PIR: variants seen among roughly 807,000 people sequenced by gnomAD.
PIR encodes the protein pirin (iron-binding nuclear protein).
A neutral mutation model predicts 24.2 loss-of-function variants in PIR; 22 were observed. The ratio of observed to expected loss-of-function variants is 0.91; its 90% CI spans 0.65 to 1.30. The LOEUF (loss-of-function observed/expected upper bound fraction) is 1.30, where lower values mean the gene tolerates loss of function less well. Among genes scored for constraint, PIR ranks in the 50% most tolerant of loss-of-function variants. The probability of loss-of-function intolerance (pLI) is 0.00; values close to 1 mark genes in which losing one functional copy is unlikely to be tolerated. For missense variants in PIR, 220 were observed against 220.3 expected, an observed-to-expected ratio of 1.00 and a Z score of 0.01; for synonymous variants, 80 against 79.6, an observed-to-expected ratio of 1.00 and a Z score of -0.03.
chrX:15,433,544 G>GAAAGAAAGAAAGAAAGAA lies in PIR; in HGVS notation c.481-7555_481-7554insTTCTTTCTTTCTTTCTTT, dbSNP rs780968509. Among the ~76,000 whole-genome samples the GAAAGAAAGAAAGAAAGAA allele has an allele frequency of 6.0e-4, 35 of 58,735 alleles. 2 individuals are homozygous for GAAAGAAAGAAAGAAAGAA. The highest frequency in any genetic ancestry group is 2.8e-3 in the East Asian group (5 of 1,810). The allele number at this position is 58,735 out of a possible 115,157, so 51.0% of individuals were successfully genotyped here. The stretch of plus-strand genomic sequence containing the variant: ...AGAAAGAAAGAAAGAAAGAAAGAAA[G>GAAAGAAAGAAAGAAAGAA]AGAGAGAAAGAAAGAAAGAGAGAGA... On this transcript the variant is annotated intron_variant, in intron 5 of 9. Transcript: ENST00000380420.
chrX:15,416,481 A>C (rs1924920269), intron 6 of PIR, among the ~76,000 whole-genome samples: 1 of 111,763 alleles, frequency 8.9e-6, no homozygotes, highest in African/African-American at 3.3e-5. Flanking sequence ...GAGAGAAAAA[A>C]AATCACTACT....
At chrX:15,426,847 G>A (rs751974163) in intron 5 of PIR, among the ~76,000 whole-genome samples, 1 of 111,700 alleles carries the variant, frequency 9.0e-6, no homozygotes, top group Admixed American at 9.6e-5. Context: ...TAGCACAGAC[G>A]AATATATGCA....
chrX:15,454,295 A>G (rs1163889292), intron 5 of PIR, among the ~76,000 whole-genome samples: 1 of 111,306 alleles, frequency 9.0e-6, no homozygotes, highest in Admixed American at 9.6e-5. Flanking sequence ...AACGAGTCAC[A>G]GAAACACAAC....
At chrX:15,400,749 A>ATTTATTTATTTATT (rs1555953079) in intron 7 of PIR, among the ~76,000 whole-genome samples, 40,563 of 103,796 alleles carry the variant, frequency 0.39, 6,610 homozygotes, top group Non-Finnish European at 0.47. Flanking sequence ...ATTTATTTAT[A>ATTTATTTATTTATT]TATTTATTTA....
At chrX:15,405,264 T>C (rs1376182409) in intron 7 of PIR, among the ~76,000 whole-genome samples, 4 of 112,219 alleles carry the variant, frequency 3.6e-5, no homozygotes, top group African/African-American at 1.3e-4. Context: ...TTTTCACTAT[T>C]ATAAATGGTT....
chrX:15,465,925 C>G (rs1360664984), intron 3 of PIR, among the ~76,000 whole-genome samples: 2 of 110,401 alleles, frequency 1.8e-5, no homozygotes, highest in Non-Finnish European at 3.8e-5. Context: ...AGATGCAAGA[C>G]CTGTTCTTTA....
At chrX:15,463,482 AG>A (rs138300403) in intron 3 of PIR, among the ~76,000 whole-genome samples, 1,607 of 112,318 alleles carry the variant, frequency 0.014, 16 homozygotes, top group Middle Eastern at 0.037. Context: ...AAATATTTAT[AG>A]AGCACATAAT....
intron 2 of PIR, among the ~76,000 whole-genome samples, chrX:15,486,223 TGAGGCAA>T (rs965042344): frequency 1.0e-5 from 1 of 97,414 alleles, no homozygotes; most frequent in Middle Eastern, 4.8e-3. Flanking sequence ...GCGTGGTGGC[TGAGGCAA>T]GAGAATTGCT....
chrX:15,411,567 G>A (rs945593050), intron 6 of PIR, among the ~76,000 whole-genome samples: 8 of 111,141 alleles, frequency 7.2e-5, no homozygotes. Context: ...AGAGATAAGG[G>A]CAACTGGGCT....
chrX:15,485,251 T>G (rs764349348), intron 2 of PIR, among the ~76,000 whole-genome samples: 1 of 112,174 alleles, frequency 8.9e-6, no homozygotes, highest in South Asian at 3.7e-4. Flanking sequence ...AGTCCAAGAT[T>G]AAGGCACCAA....
chrX:15,444,549 T>C (rs1926025066), intron 5 of PIR, among the ~76,000 whole-genome samples: 1 of 111,372 alleles, frequency 9.0e-6, no homozygotes, highest in South Asian at 3.8e-4. Flanking sequence ...CAACCTCAAC[T>C]CCCTACATTT....
At chrX:15,396,238 A>C (rs1924130729) in intron 8 of PIR, among the ~76,000 whole-genome samples, 1 of 111,323 alleles carries the variant, frequency 9.0e-6, no homozygotes, top group South Asian at 3.9e-4. Flanking sequence ...AAGGGCACTG[A>C]CCCTGACATA....
In PIR at chrX:15,390,902, T is replaced by C. The variant is rs751832080; in HGVS notation, c.694-651A>G. Among the ~76,000 whole-genome samples, 5 of 111,577 alleles carry C rather than the reference T, an allele frequency of 4.5e-5. No individual in the cohort carries two copies. The East Asian group carries it at 1.4e-3, about 31-fold the overall frequency. On this transcript the variant is annotated intron_variant, in intron 8 of 9. Coordinates refer to ENST00000380420, the MANE Select transcript of PIR (RefSeq NM_001018109.3). The stretch of plus-strand genomic sequence containing the variant: ...GGAAAAATACACTTTCATATATCGT[T>C]TGGGAGATTTTCAACTGGTGCAGTA...
chrX:15,449,175 C>T (rs1213812070), intron 5 of PIR, among the ~76,000 whole-genome samples: 1 of 111,795 alleles, frequency 8.9e-6, no homozygotes, highest in Non-Finnish European at 1.9e-5. Context: ...TGGGTTGGAC[C>T]TTGGTGCATA....
At chrX:15,416,923 A>C (rs1023091240) in intron 6 of PIR, among the ~76,000 whole-genome samples, 3 of 111,411 alleles carry the variant, frequency 2.7e-5, no homozygotes, top group African/African-American at 6.5e-5. Flanking sequence ...ACAGTCCCAG[A>C]TGACACTTTA....
intron 5 of PIR, among the ~76,000 whole-genome samples, chrX:15,433,221 C>T (rs1189609998): frequency 1.8e-5 from 2 of 110,947 alleles, no homozygotes; most frequent in Non-Finnish European, 3.8e-5. Context: ...TAGGCAGATG[C>T]TCAATGAAAG....
rs566328145 is a variant in PIR at position 15,434,656 on chromosome X, T to C, written c.481-8666A>G. Among the ~76,000 whole-genome samples, 15 of 109,405 alleles carry C rather than the reference T, an allele frequency of 1.4e-4. No individual in the cohort carries two copies. In the South Asian group the frequency reaches 6.1e-3, roughly 45 times the overall value. On this transcript the variant is annotated intron_variant, in intron 5 of 9. Transcript: ENST00000380420. ...TGTGACTGTGAGAGGGAATGGAAAA[T>C]TGGCGGCTATGAAGTCAAGGACGTT...
intron 4 of PIR, among the ~76,000 whole-genome samples, chrX:15,457,146 T>C (rs1438984463): frequency 8.9e-6 from 1 of 112,135 alleles, no homozygotes; most frequent in Non-Finnish European, 1.9e-5. Context: ...GAACCATATA[T>C]GTACTTTGAA....
At position 15,425,977 on chromosome X, in the gene PIR, G is replaced by T; in HGVS notation, c.494C>A (p.Thr165Asn). ...GTCCAAATATAAGGTTGGTGTGCGA[G>T]TGTAAACCTTGGACTGAAAAGGAAA... ...EALGIKSKVY[T>N]RTPTLYLDFK... The change falls in exon 6 of 10, where the codon ACT (threonine) becomes AAT (asparagine). Residue 165 changes from threonine to asparagine, a missense_variant. By Grantham distance (65) the Thr-to-Asn change is moderately conservative. Transcript: ENST00000380420. 8.5e-7 allele frequency: 1 copy of T among 1,180,271 alleles called. No homozygotes were observed. The highest frequency in any genetic ancestry group is 1.2e-6 in the Non-Finnish European group (1 of 867,142).
Sources: allele counts gnomAD v4.1 joint callset (sites outside exome capture counted in the v4.1 genomes callset), GRCh38; gene constraint gnomAD v4.1.1; transcripts MANE v1.5; gene names NCBI Gene and HGNC (gene_info 2026-07-23, HGNC 2026-07-21).